The following ZPBP variants were observed in gnomAD, a reference collection of about 807,000 sequenced individuals.
ZPBP encodes zona pellucida-binding protein 1.
Under a neutral mutation model 44.8 loss-of-function variants are expected in ZPBP, and 26 were observed. The ratio of observed to expected loss-of-function variants is 0.58; its 90% CI spans 0.43 to 0.81. ZPBP has a LOEUF of 0.81. ZPBP is among the 30% of genes least tolerant of loss of function. The pLI is 0.00. For missense variants in ZPBP, 409 were observed against 434.0 expected (o/e 0.94, Z 0.51); for synonymous variants, 174 against 153.2 (o/e 1.14, Z -1.00).
At chr7:49,850,152 G>A (rs1477764385), downstream of ZPBP, among the ~76,000 whole-genome samples, 2 of 152,150 alleles carry the variant, frequency 1.3e-5, no homozygotes, top group East Asian at 1.9e-4. Flanking sequence ...GTGCTGTAAC[G>A]CAGTATTCAG....
chr7:50,073,973 G>A (rs540464803), intron 3 of ZPBP, among the ~76,000 whole-genome samples: 5 of 152,024 alleles, frequency 3.3e-5, no homozygotes, highest in South Asian at 2.1e-4. Flanking sequence ...TACAAAACTC[G>A]CAGGTAATAG....
chr7:49,888,919 A>T (rs528335119), intron 2 of ZPBP, among the ~76,000 whole-genome samples: 1 of 152,178 alleles, frequency 6.6e-6, no homozygotes, highest in African/African-American at 2.4e-5. Context: ...CTCAAAAAAA[A>T]CAAAAACAAA....
intron 2 of ZPBP, among the ~76,000 whole-genome samples, chr7:49,861,107 T>G (rs539678205): frequency 6.6e-6 from 1 of 152,364 alleles, no homozygotes; most frequent in African/African-American, 2.4e-5. Flanking sequence ...CCACCAGCAA[T>G]GGACAAGGGT....
At chr7:49,866,067 A>G (rs541344509) in intron 2 of ZPBP, among the ~76,000 whole-genome samples, 1 of 151,954 alleles carries the variant, frequency 6.6e-6, no homozygotes, top group Admixed American at 6.5e-5. Context: ...GCCAGTGGAG[A>G]GATTAGAAAT....
chr7:49,929,229 T>C (rs1162053881), intron 1 of ZPBP, among the ~76,000 whole-genome samples: 1 of 152,198 alleles, frequency 6.6e-6, no homozygotes, highest in African/African-American at 2.4e-5. Context: ...GTGTCCATAG[T>C]CATGGAAGGA....
intron 4 of ZPBP, among the ~76,000 whole-genome samples, chr7:50,041,570 G>A (rs1800097002): frequency 6.6e-6 from 1 of 152,208 alleles, no homozygotes; most frequent in Non-Finnish European, 1.5e-5. Context: ...AGAAGGGCCT[G>A]TTAGAAGGAA....
intron 7 of ZPBP, among the ~76,000 whole-genome samples, chr7:49,953,796 A>G (rs1795454959): frequency 6.6e-6 from 1 of 152,188 alleles, no homozygotes; most frequent in South Asian, 2.1e-4. Context: ...GCTACAAAAT[A>G]TTGCTGAAAG....
chr7:49,939,403 T>A lies in ZPBP; in HGVS notation c.962-1781A>T, dbSNP rs142055187. Among the ~76,000 whole-genome samples the A allele has an allele frequency of 5.3e-5, 8 of 152,300 alleles. No homozygotes were observed. In the South Asian group the frequency reaches 1.0e-3, roughly 20 times the overall value. On this transcript the variant is annotated intron_variant, in intron 7 of 7. Coordinates refer to ENST00000046087, the MANE Select transcript of ZPBP (RefSeq NM_007009.3). ...GTATGACATGTGTAACATCATATAG[T>A]TCCTATGTGTAGCACTCCTTCCTAG...
intron 6 of ZPBP, among the ~76,000 whole-genome samples, chr7:50,010,998 T>A (rs928162321): frequency 2.7e-5 from 4 of 149,662 alleles, no homozygotes; most frequent in Non-Finnish European, 5.9e-5. Flanking sequence ...AACAGCATAG[T>A]ACTGTATAAA....
intron 1 of ZPBP, among the ~76,000 whole-genome samples, chr7:49,903,097 A>T (rs527568909): frequency 6.6e-6 from 1 of 152,200 alleles, no homozygotes; most frequent in Non-Finnish European, 1.5e-5. Flanking sequence ...TAAAACAAAA[A>T]CTTGTGACAA....
At chr7:49,907,603 A>C (rs774006934) in intron 1 of ZPBP, among the ~76,000 whole-genome samples, 6 of 152,188 alleles carry the variant, frequency 3.9e-5, no homozygotes, top group Admixed American at 1.3e-4. Context: ...GGAGAGTCTG[A>C]GAATGTGTGC....
At chr7:50,059,317 A>G (rs1801130527) in intron 3 of ZPBP, among the ~76,000 whole-genome samples, 1 of 152,222 alleles carries the variant, frequency 6.6e-6, no homozygotes, top group Admixed American at 6.5e-5. Context: ...TGTCTAGTAC[A>G]TGCAAGCCCT....
chr7:49,862,103 G>C (rs1161997901), intron 2 of ZPBP, among the ~76,000 whole-genome samples: 1 of 152,128 alleles, frequency 6.6e-6, no homozygotes, highest in Non-Finnish European at 1.5e-5. Context: ...AGTCTTCCAA[G>C]CCATGAACAT....
intron 6 of ZPBP, among the ~76,000 whole-genome samples, chr7:50,013,970 TTATC>T (rs1798698286): frequency 6.6e-6 from 1 of 152,142 alleles, no homozygotes; most frequent in Non-Finnish European, 1.5e-5. Flanking sequence ...CTATCATCCT[TTATC>T]TATTTCTGTT....
intron 6 of ZPBP, among the ~76,000 whole-genome samples, chr7:50,013,426 T>A (rs1798675478): frequency 6.6e-6 from 1 of 151,934 alleles, no homozygotes; most frequent in South Asian, 2.1e-4. Context: ...ATTACACAAA[T>A]ATAAATATAT....
chr7:49,904,525 T>A (rs1792973705), intron 1 of ZPBP, among the ~76,000 whole-genome samples: 1 of 152,212 alleles, frequency 6.6e-6, no homozygotes, highest in South Asian at 2.1e-4. Context: ...ATTGATTTAT[T>A]AGGAATGCTG....
chr7:49,857,120 G>C (rs973255534), intron 2 of ZPBP, among the ~76,000 whole-genome samples: 13 of 149,678 alleles, frequency 8.7e-5, no homozygotes, highest in African/African-American at 3.2e-4. Flanking sequence ...ATGATATCGT[G>C]CAGCAGATCT....
chr7:50,082,243 C>G (rs150118559), intron 2 of ZPBP, among the ~76,000 whole-genome samples: 1 of 151,854 alleles, frequency 6.6e-6, no homozygotes, highest in African/African-American at 2.4e-5. Flanking sequence ...ACTATATCTA[C>G]ACTTTATCTG....
intron 2 of ZPBP, among the ~76,000 whole-genome samples, chr7:49,877,294 T>G (rs1046841842): frequency 6.7e-6 from 1 of 150,344 alleles, no homozygotes; most frequent in Non-Finnish European, 1.5e-5. Context: ...GAGCCCCGTG[T>G]CTACTAAAAA....
Sources: gnomAD v4.1 joint callset for allele counts (sites outside exome capture counted in the v4.1 genomes callset) on GRCh38, gnomAD v4.1.1 for gene constraint, MANE v1.5 for transcripts, NCBI Gene and HGNC (gene_info 2026-07-23, HGNC 2026-07-21) for gene names.